The following EXOC6B variants were observed in gnomAD, a reference collection of about 807,000 sequenced individuals.
EXOC6B encodes SEC15 homolog B.
Under a neutral mutation model 113.5 loss-of-function variants are expected in EXOC6B, and 54 were observed. The ratio of observed to expected loss-of-function variants is 0.48; its 90% confidence interval spans 0.38 to 0.60. The LOEUF is 0.60. EXOC6B is among the 20% of genes least tolerant of loss of function. The pLI is 0.00. For missense variants in EXOC6B, 797 were observed against 977.5 expected, an observed-to-expected ratio of 0.82 and a Z score of 2.46; for synonymous variants, 357 against 339.0, an observed-to-expected ratio of 1.05 and a Z score of -0.58.
chr2:72,542,732 A>G (rs1383346172), intron 8 of EXOC6B, among the ~76,000 whole-genome samples: 7 of 152,218 alleles, frequency 4.6e-5, no homozygotes, highest in Admixed American at 4.6e-4. Flanking sequence ...TTCACTGTTT[A>G]GATCATGAGG....
At chr2:72,518,756 A>C (rs1701343877) in intron 8 of EXOC6B, among the ~76,000 whole-genome samples, 1 of 152,178 alleles carries the variant, frequency 6.6e-6, no homozygotes, top group Non-Finnish European at 1.5e-5. Context: ...GAGGCAGGAA[A>C]GCTTCATAAA....
intron 20 of EXOC6B, among the ~76,000 whole-genome samples, chr2:72,252,682 A>C (rs1403548185): frequency 6.6e-6 from 1 of 152,216 alleles, no homozygotes; most frequent in East Asian, 1.9e-4. Context: ...AATAATACAC[A>C]TAATACACAT....
chr2:72,682,876 T>C (rs918843972), intron 6 of EXOC6B, among the ~76,000 whole-genome samples: 1 of 152,208 alleles, frequency 6.6e-6, no homozygotes, highest in Non-Finnish European at 1.5e-5. Context: ...ATATATCCAC[T>C]ATAATTATTA....
intron 20 of EXOC6B, among the ~76,000 whole-genome samples, chr2:72,189,460 T>C (rs911630573): frequency 6.6e-6 from 1 of 152,214 alleles, no homozygotes; most frequent in Admixed American, 6.5e-5. Context: ...CTGATTAAGA[T>C]GTTGTCTGAT....
intron 18 of EXOC6B, among the ~76,000 whole-genome samples, chr2:72,440,347 ACT>A (rs554750167): frequency 2.0e-5 from 3 of 152,074 alleles, no homozygotes; most frequent in Non-Finnish European, 4.4e-5. Context: ...TAACAGTGAA[ACT>A]CTCATTGGAA....
At chr2:72,716,382 C>CTACG (rs1679618177) in intron 6 of EXOC6B, among the ~76,000 whole-genome samples, 1 of 152,280 alleles carries the variant, frequency 6.6e-6, no homozygotes, top group East Asian at 1.9e-4. Context: ...TGAACACCTA[C>CTACG]TACGTACAAA....
At chr2:72,218,503 CTGATTAGTAA>C (rs1680672334) in intron 20 of EXOC6B, among the ~76,000 whole-genome samples, 1 of 152,054 alleles carries the variant, frequency 6.6e-6, no homozygotes, top group South Asian at 2.1e-4. Flanking sequence ...CCAACTTAAC[CTGATTAGTAA>C]TGATTTATTT....
intron 6 of EXOC6B, among the ~76,000 whole-genome samples, chr2:72,612,676 C>T (rs1671147250): frequency 6.6e-6 from 1 of 152,218 alleles, no homozygotes; most frequent in South Asian, 2.1e-4. Context: ...AAAGCTACAA[C>T]TGGATTTGCG....
chr2:72,466,753 A>T lies in EXOC6B; in HGVS notation c.1801-1414T>A, dbSNP rs915782640. On this transcript the variant is annotated intron_variant, in intron 17 of 21. Coordinates refer to ENST00000272427, the MANE Select transcript of EXOC6B (RefSeq NM_015189.3). ...AAATGGCTAAATTGAGCTAAGTTGG[A>T]TGCAAAAGAAACTGCTTTTAATGGC... 2.6e-5 allele frequency among the ~76,000 whole-genome samples: 4 copies of T among 152,310 alleles called. No homozygotes were observed. In the East Asian group the frequency reaches 5.8e-4, roughly 22 times the overall value.
intron 19 of EXOC6B, among the ~76,000 whole-genome samples, chr2:72,345,554 T>C (rs1689278152): frequency 1.3e-5 from 2 of 151,960 alleles, no homozygotes; most frequent in African/African-American, 4.8e-5. Flanking sequence ...AAAATGCATA[T>C]TACTAAATGA....
chr2:72,577,274 A>G (rs974707573), intron 6 of EXOC6B, among the ~76,000 whole-genome samples: 6 of 152,098 alleles, frequency 3.9e-5, no homozygotes, highest in African/African-American at 1.4e-4. Context: ...AGCCTTTCAG[A>G]AACCAAGTTA....
intron 6 of EXOC6B, among the ~76,000 whole-genome samples, chr2:72,602,579 T>C (rs531281260): frequency 6.6e-6 from 1 of 152,318 alleles, no homozygotes; most frequent in South Asian, 2.1e-4. Flanking sequence ...ATGGCTTATA[T>C]AGAACAGCAA....
intron 18 of EXOC6B, among the ~76,000 whole-genome samples, chr2:72,402,143 C>A (rs1267487385): frequency 2.0e-5 from 3 of 151,958 alleles, no homozygotes; most frequent in Admixed American, 2.0e-4. Context: ...CTTTTCTTTA[C>A]CAGGAGGCTT....
chr2:72,686,352 G>C (rs760258805), intron 6 of EXOC6B, among the ~76,000 whole-genome samples: 2 of 152,176 alleles, frequency 1.3e-5, no homozygotes, highest in Non-Finnish European at 2.9e-5. Flanking sequence ...AATTCACTGA[G>C]TTAATAAGGT....
At chr2:72,672,969 A>G (rs1186210260) in intron 6 of EXOC6B, among the ~76,000 whole-genome samples, 1 of 152,242 alleles carries the variant, frequency 6.6e-6, no homozygotes. Flanking sequence ...GAAAAGATAC[A>G]TATTTAAGGT....
intron 6 of EXOC6B, among the ~76,000 whole-genome samples, chr2:72,576,664 C>G (rs1329442707): frequency 1.3e-5 from 2 of 152,090 alleles, no homozygotes; most frequent in Admixed American, 1.3e-4. Flanking sequence ...ACAGGAAATA[C>G]TGCGTCCCAT....
At chr2:72,200,582 T>C (rs948843917) in intron 20 of EXOC6B, among the ~76,000 whole-genome samples, 2 of 152,154 alleles carry the variant, frequency 1.3e-5, no homozygotes, top group African/African-American at 4.8e-5. Flanking sequence ...CCGTGAGGAA[T>C]TGTAGAGAAC....
intron 16 of EXOC6B, among the ~76,000 whole-genome samples, chr2:72,491,398 T>G (rs1437256193): frequency 3.3e-5 from 5 of 152,162 alleles, no homozygotes; most frequent in African/African-American, 1.2e-4. Context: ...ATTAACCTTT[T>G]GCTGCGCTTC....
intron 1 of EXOC6B, among the ~76,000 whole-genome samples, chr2:72,780,591 T>A (rs1278222430): frequency 6.6e-6 from 1 of 152,132 alleles, no homozygotes; most frequent in Non-Finnish European, 1.5e-5. Flanking sequence ...CTGTCAAAGG[T>A]TTCCTTCAAT....
Sources: allele counts gnomAD v4.1 joint callset (sites outside exome capture counted in the v4.1 genomes callset), GRCh38; gene constraint gnomAD v4.1.1; transcripts MANE v1.5; gene names NCBI Gene and HGNC (gene_info 2026-07-23, HGNC 2026-07-21).